The following PSEN2 variants were observed in gnomAD, a reference collection of about 807,000 sequenced individuals.
PSEN2 encodes presenilin 2.
Under a neutral mutation model 49.1 loss-of-function variants are expected in PSEN2, and 32 were observed. The observed-to-expected ratio is 0.65, with a 90% CI of 0.49 to 0.88. The LOEUF (loss-of-function observed/expected upper bound fraction) is 0.88, where lower values mean the gene tolerates loss of function less well. Among genes scored for constraint, PSEN2 ranks in the 40% least tolerant of loss-of-function variants. The probability of loss-of-function intolerance (pLI) is 0.00; values close to 1 mark genes in which losing one functional copy is unlikely to be tolerated. For synonymous variants in PSEN2, 255 were observed against 244.0 expected (o/e 1.05, Z -0.42); for missense variants, 522 against 586.9 (o/e 0.89, Z 1.14).
At chr1:226,877,624 C>T (rs1379567962) in intron 3 of PSEN2, among the ~76,000 whole-genome samples, 1 of 152,186 alleles carries the variant, frequency 6.6e-6, no homozygotes, top group African/African-American at 2.4e-5. Flanking sequence ...CCTGATTATT[C>T]CTTAATGACA....
chr1:226,891,783 C>G lies in PSEN2; in HGVS notation c.1011C>G (p.Pro337=), dbSNP rs769386876. Reference sequence around the variant, plus strand: ...ACAGTTTTGGGGAGCCTTCATACCCCGAAGTCTTTGAGCCTCCCTTGACTG... The same window carrying G: ...ACAGTTTTGGGGAGCCTTCATACCCGGAAGTCTTTGAGCCTCCCTTGACTG... The part of the protein sequence containing the change: ...SYDSFGEPSY[P]EVFEPPLTGY... The change falls in exon 11 of 13, where the codon CCC becomes CCG. Residue 337 remains proline (P), a synonymous_variant. Transcript: ENST00000366783. 1.2e-6 allele frequency: 2 copies of G among 1,614,032 alleles called. No individual in the cohort carries two copies. Among genetic ancestry groups the G allele is most frequent in the Non-Finnish European group, 1.7e-6 (2 of 1,180,024 alleles).
At chr1:226,875,682 A>C (rs1660583816) in intron 3 of PSEN2, 132 bp downstream of exon 3, 1 of 152,158 alleles carries the variant, frequency 6.6e-6, no homozygotes, top group African/African-American at 2.4e-5. Context: ...CATTGGCCTT[A>C]AATGTTAAGG....
At chr1:226,901,297 G>A (rs549888422), downstream of PSEN2, among the ~76,000 whole-genome samples, 16 of 152,170 alleles carry the variant, frequency 1.1e-4, no homozygotes, top group East Asian at 9.7e-4. Flanking sequence ...TTAGCTGGGC[G>A]TGGTGGCGGG....
At chr1:226,886,840 G>A (rs1235992504) in intron 6 of PSEN2, among the ~76,000 whole-genome samples, 1 of 152,318 alleles carries the variant, frequency 6.6e-6, no homozygotes, top group South Asian at 2.1e-4. Context: ...TGTGGTGCAC[G>A]CCTGTGGTCC....
rs751120699 is a variant in PSEN2, at chr1:226,888,148, A to AT, written c.557dup (p.Tyr187LeufsTer77). On this transcript the variant is annotated frameshift_variant, in exon 7 of 13. Transcript: ENST00000366783. LOFTEE classifies it high-confidence loss of function. ...GATGCTGCTGTTCCTCTTCACCTAT[A>AT]TCTACCTTGGGTAAGTGACAGATAA... 2.5e-6 allele frequency: 4 copies of AT among 1,612,520 alleles called. No homozygotes were observed. In the Admixed American group the frequency reaches 6.7e-5, roughly 27 times the overall value.
downstream of PSEN2, among the ~76,000 whole-genome samples, chr1:226,897,302 T>C (rs1222500739): frequency 6.6e-6 from 1 of 152,200 alleles, no homozygotes; most frequent in Non-Finnish European, 1.5e-5. Flanking sequence ...ATTGGACATA[T>C]ATTTTGAATC....
At chr1:226,883,674 T>C (rs1169427987) in intron 4 of PSEN2, 31 bp from the exon 5 acceptor site, 2 of 1,604,464 alleles carry the variant, frequency 1.2e-6, no homozygotes, top group South Asian at 1.1e-5. Flanking sequence ...TGGGGGACAT[T>C]CTGCGGCCCT....
intron 12 of PSEN2, among the ~76,000 whole-genome samples, chr1:226,903,150 A>C (rs1013081440): frequency 2.0e-5 from 3 of 152,154 alleles, no homozygotes; most frequent in African/African-American, 7.2e-5. Context: ...GACTTACTCT[A>C]ACAATGGGTG....
At chr1:226,880,627 G>A in intron 3 of PSEN2, 3 of 1,612,318 alleles carry the variant, frequency 1.9e-6, no homozygotes, top group Non-Finnish European at 2.5e-6. Flanking sequence ...CGATAACTCA[G>A]CCTCTGTCCC....
At chr1:226,874,155 G>A (rs546674909) in intron 2 of PSEN2, among the ~76,000 whole-genome samples, 14 of 152,312 alleles carry the variant, frequency 9.2e-5, no homozygotes, top group Admixed American at 4.6e-4. Flanking sequence ...ATACCTGCCC[G>A]TGGTGAAGGC....
intron 5 of PSEN2, chr1:226,884,550 TTTTTAAAGTTAGGGA>T (rs1156532840): frequency 6.6e-6 from 1 of 152,142 alleles, no homozygotes; most frequent in Non-Finnish European, 1.5e-5. Flanking sequence ...TTTTTTTTTT[TTTTTAAAGTTAGGGA>T]TTTTTGTTTC....
At chr1:226,887,890 G>A (rs904805556) in intron 6 of PSEN2, among the ~76,000 whole-genome samples, 4 of 152,144 alleles carry the variant, frequency 2.6e-5, no homozygotes, top group African/African-American at 9.7e-5. Context: ...GTCTGCATGC[G>A]CTGCAGGATG....
intron 3 of PSEN2, among the ~76,000 whole-genome samples, chr1:226,876,198 G>T (rs1660619636): frequency 1.3e-5 from 2 of 152,144 alleles, no homozygotes; most frequent in African/African-American, 4.8e-5. Context: ...ACACGTTTGG[G>T]TGGTGATTTT....
downstream of PSEN2, among the ~76,000 whole-genome samples, chr1:226,901,450 A>T (rs911492081): frequency 1.3e-5 from 2 of 151,946 alleles, no homozygotes; most frequent in South Asian, 2.1e-4. Context: ...AAAAAAAAAA[A>T]AAAGTATGAT....
intron 3 of PSEN2, among the ~76,000 whole-genome samples, chr1:226,875,781 C>T (rs1462561494): frequency 6.6e-6 from 1 of 152,224 alleles, no homozygotes; most frequent in East Asian, 1.9e-4. Flanking sequence ...ACTGCTGACA[C>T]AAGCACGGCT....
intron 2 of PSEN2, among the ~76,000 whole-genome samples, chr1:226,873,609 T>C (rs1024244124): frequency 6.6e-6 from 1 of 151,786 alleles, no homozygotes; most frequent in East Asian, 1.9e-4. Context: ...AGAGGCGGGG[T>C]TTCACCATGT....
intron 3 of PSEN2, among the ~76,000 whole-genome samples, chr1:226,877,519 A>G (rs1220593721): frequency 6.6e-6 from 1 of 152,116 alleles, no homozygotes; most frequent in Admixed American, 6.5e-5. Context: ...AGCATTTCCT[A>G]AGTTGGTGCC....
chr1:226,883,945 G>A (rs1392455929), intron 5 of PSEN2, 26 bp downstream of exon 5: 2 of 1,552,850 alleles, frequency 1.3e-6, no homozygotes, highest in Non-Finnish European at 1.8e-6. Flanking sequence ...GGGGGGAGCA[G>A]GGTGGGGTGA....
rs773851937 is a variant in PSEN2 at position 226,872,952 on chromosome 1, TG to T, written c.-207+1550del. On this transcript the variant is annotated intron_variant, in intron 2 of 12. Coordinates refer to ENST00000366783, the MANE Select transcript of PSEN2 (RefSeq NM_000447.3). ...CAGCACTTTGGGAGGCCGAGGTGGGTGGATCACCTGAGGTCGGAAGTTTGAG... is the reference window on the plus strand; with the variant it reads ...CAGCACTTTGGGAGGCCGAGGTGGGTGATCACCTGAGGTCGGAAGTTTGAG... Among the ~76,000 whole-genome samples, 16 of 152,164 alleles carry T rather than the reference TG, an allele frequency of 1.1e-4. No homozygotes were observed. In the South Asian group the frequency reaches 3.3e-3, roughly 32 times the overall value.
Sources: gnomAD v4.1 joint callset for allele counts (sites outside exome capture counted in the v4.1 genomes callset) on GRCh38, gnomAD v4.1.1 for gene constraint, MANE v1.5 for transcripts, NCBI Gene and HGNC (gene_info 2026-07-23, HGNC 2026-07-21) for gene names.